Variants in DDOST observed in about 807,000 individuals in gnomAD.
DDOST encodes dolichyl-diphosphooligosaccharide--protein glycosyltransferase non-catalytic subunit, also known as dolichyl-diphosphooligosaccharide--protein glycosyltransferase 48 kDa subunit.
In DDOST, 25 loss-of-function variants were observed where a neutral mutation model predicts 47.6. That is an observed-to-expected ratio of 0.53 (90% CI 0.38 to 0.73). DDOST has a LOEUF of 0.73. Ranked by LOEUF, DDOST falls within the 30% of genes least tolerant of loss-of-function variation. DDOST has a pLI of 0.00. For missense variants in DDOST, 526 were observed against 573.9 expected, an observed-to-expected ratio of 0.92 and a Z score of 0.85; for synonymous variants, 275 against 236.0, an observed-to-expected ratio of 1.17 and a Z score of -1.51.
chr1:20,659,932 G>A (rs1029896932), intron 2 of DDOST, among the ~76,000 whole-genome samples: 1 of 152,106 alleles, frequency 6.6e-6, no homozygotes. Context: ...AACAAAAAAG[G>A]CACCAATGAA....
rs907121865 is a variant in DDOST, at chr1:20,657,804, T to G, written c.266-1617A>C. Among the ~76,000 whole-genome samples the G allele has an allele frequency of 5.3e-5, 8 of 152,224 alleles. 1 individual carries two copies. The highest frequency in any genetic ancestry group is 1.9e-4 in the African/African-American group (8 of 41,452). On this transcript the variant is annotated intron_variant, in intron 2 of 10. Coordinates refer to ENST00000602624, the MANE Select transcript of DDOST (RefSeq NM_005216.5). ...CTCTACCTCTGCCTCTCATGCTACA[T>G]TCAAAAAGCCATCTATCTACTCTCC...
intron 5 of DDOST, among the ~76,000 whole-genome samples, chr1:20,655,208 T>C (rs1293540821): frequency 6.8e-6 from 1 of 147,176 alleles, no homozygotes; most frequent in Admixed American, 7.0e-5. Flanking sequence ...AGAGAGGAGT[T>C]CTGTGTTGCC....
chr1:20,656,113 T>C lies in DDOST; in HGVS notation c.340A>G (p.Ser114Gly), dbSNP rs751563144. The change falls in exon 3 of 11, where the codon AGC (serine) becomes GGC (glycine). Residue 114 changes from serine to glycine, a missense_variant. Ser to Gly is a moderately conservative substitution (Grantham distance 56, BLOSUM62 0). Coordinates refer to ENST00000602624, the MANE Select transcript of DDOST (RefSeq NM_005216.5). ...AGGTCGGACTCACCAATGTCGGAGC[T>C]GGCAGCTACCAGCACACTGCCTCCG... ...DGGGSVLVAA[S>G]SDIGDPLREL... 5 of 1,613,770 alleles carry C rather than the reference T, an allele frequency of 3.1e-6. No homozygotes were observed. The African/African-American group carries it at 5.3e-5, about 17-fold the overall frequency.
rs190780604 is a variant in DDOST at position 20,652,915 on chromosome 1, G to A, written c.999C>T (p.Gly333=). ...GGACAAACTCCAGCTGAATGTCATC[G>A]CCATCAAAGGGGACCCATTTGCCAT... ...LSNGKWVPFD[G]DDIQLEFVRI... is the part of the protein sequence containing the mutation. The change falls in exon 9 of 11, where the codon GGC becomes GGT. Residue 333 remains glycine, a synonymous_variant. Coordinates refer to ENST00000602624, the MANE Select transcript of DDOST (RefSeq NM_005216.5). The A allele has an allele frequency of 2.1e-4, 343 of 1,614,168 alleles. 1 individual carries two copies. In the East Asian group the frequency reaches 6.9e-3, roughly 33 times the overall value.
At chr1:20,655,180 T>TTTG (rs1553147570) in intron 5 of DDOST, among the ~76,000 whole-genome samples, 1 of 149,504 alleles carries the variant, frequency 6.7e-6, no homozygotes, top group Non-Finnish European at 1.5e-5. Context: ...TGTTTTTTTT[T>TTTG]TTTTTTTTTT....
In DDOST at chr1:20,652,060, C is replaced by T. The variant is rs567683967; in HGVS notation, c.*319G>A. On this transcript the variant is annotated 3_prime_UTR_variant, in exon 11 of 11. Coordinates refer to ENST00000602624, the MANE Select transcript of DDOST (RefSeq NM_005216.5). The stretch of plus-strand genomic sequence containing the variant: ...CAGGATAGTCTCGATCTCCTGACCT[C>T]GTGAGCCGCCTGCCTCGGCCTCCCA... The T allele has an allele frequency of 5.5e-5, 11 of 200,500 alleles. No homozygotes were observed. The highest frequency in any genetic ancestry group is 8.8e-5 in the South Asian group (1 of 11,388). The allele number at this position is 200,500 out of a possible 1,614,324, so 12.4% of individuals were successfully genotyped here. A position where few individuals can be genotyped will look rare whatever the true frequency, so the allele number is the denominator to read the frequency against.
intron 2 of DDOST, among the ~76,000 whole-genome samples, chr1:20,658,294 T>C (rs2053397116): frequency 6.6e-6 from 1 of 152,218 alleles, no homozygotes; most frequent in African/African-American, 2.4e-5. Flanking sequence ...AAGAAGCCAC[T>C]GGGGCACAGA....
Position 20,654,269 on chromosome 1 carries a change from A to C in DDOST, c.748T>G (p.Ser250Ala). 3 of 1,551,822 alleles carry C rather than the reference A, an allele frequency of 1.9e-6. No individual in the cohort carries two copies. The highest frequency in any genetic ancestry group is 1.7e-4 in the Middle Eastern group (1 of 5,850). Reference sequence around the variant, plus strand: ...TTCTGCACTGCTGAGTTGAAGAAGGAGTCGCTGAAGAAGTCGAGGGAGCCG... The same window carrying C: ...TTCTGCACTGCTGAGTTGAAGAAGGCGTCGCTGAAGAAGTCGAGGGAGCCG... ...FSGSLDFFSD[S>A]FFNSAVQKAA... The change falls in exon 7 of 11, where the codon TCC becomes GCC. Residue 250 changes from serine (S) to alanine (A), a missense_variant. By Grantham distance (99) the Ser-to-Ala change is moderately conservative. Transcript: ENST00000602624.
intron 1 of DDOST, 74 bp downstream of exon 1, chr1:20,661,123 G>C (rs2053429761): frequency 6.5e-7 from 1 of 1,536,086 alleles, no homozygotes; most frequent in Non-Finnish European, 8.9e-7. Flanking sequence ...GAGAGGGAAG[G>C]AGAGTGGTCA....
chr1:20,654,579 T>G (rs1167461263), intron 6 of DDOST, 35 bp downstream of exon 6: 39 of 1,526,024 alleles, frequency 2.6e-5, no homozygotes, highest in Non-Finnish European at 3.5e-5. Flanking sequence ...CTGCTTCATT[T>G]TTATTTCGAA....
At chr1:20,655,048 C>G (rs188026380) in intron 5 of DDOST, among the ~76,000 whole-genome samples, 2 of 152,004 alleles carry the variant, frequency 1.3e-5, no homozygotes, top group African/African-American at 4.8e-5. Context: ...TTAGCAGAGA[C>G]GGGGTTTCAC....
Position 20,653,840 on chromosome 1 carries a change from G to A in DDOST, c.795-66C>T, listed in dbSNP as rs989753291. ...CCTTTCCAGTGGTGCCTGATGGGCAGGACCACTCATGTCCACCATGACAGT... is the reference window on the plus strand; with the variant it reads ...CCTTTCCAGTGGTGCCTGATGGGCAAGACCACTCATGTCCACCATGACAGT... On this transcript the variant is annotated intron_variant, in intron 7 of 10. Transcript: ENST00000602624. The A allele has an allele frequency of 1.9e-6, 3 of 1,554,934 alleles. No individual in the cohort carries two copies. The African/African-American group carries it at 4.1e-5, about 21-fold the overall frequency.
intron 2 of DDOST, among the ~76,000 whole-genome samples, chr1:20,659,039 G>A (rs984431455): frequency 1.3e-5 from 2 of 151,310 alleles, no homozygotes; most frequent in Non-Finnish European, 2.9e-5. Flanking sequence ...TCATTTTTTT[G>A]TAGAGATGAG....
rs566053706 is a variant in DDOST at position 20,657,087 on chromosome 1, G to A, written c.266-900C>T. ...ACCTGCAAGTGGCATCTGAAAAGATGTAAGCGTGAGCCAGGCAGTCTGTGG... is the reference window on the plus strand; with the variant it reads ...ACCTGCAAGTGGCATCTGAAAAGATATAAGCGTGAGCCAGGCAGTCTGTGG... On this transcript the variant is annotated intron_variant, in intron 2 of 10. Transcript: ENST00000602624. 2.6e-5 allele frequency among the ~76,000 whole-genome samples: 4 copies of A among 152,370 alleles called. No individual in the cohort carries two copies. In the East Asian group the frequency reaches 7.7e-4, roughly 29 times the overall value.
At chr1:20,658,191 C>T (rs1327015008) in intron 2 of DDOST, among the ~76,000 whole-genome samples, 1 of 152,208 alleles carries the variant, frequency 6.6e-6, no homozygotes. Context: ...AACAGGGATC[C>T]GGTTTTTCCC....
At position 20,652,864 on chromosome 1, in the gene DDOST, G is replaced by T. The variant is rs780062607; in HGVS notation, c.1050C>A (p.Phe350Leu). 4 of 1,614,050 alleles carry T rather than the reference G, an allele frequency of 2.5e-6. No homozygotes were observed. In the African/African-American group the frequency reaches 5.3e-5, roughly 22 times the overall value. ...AACTACACTCACCTTTCTTCTTCAG[G>T]AAGGTCCTCACAAAAGGATCAATGC... ...FVRIDPFVRT[F>L]LKKKGGKYSV... The change falls in exon 9 of 11, where the codon TTC (phenylalanine) becomes TTA (leucine). Residue 350 changes from phenylalanine (F) to leucine (L), a missense_variant. Physicochemically the swap from Phe to Leu is conservative, Grantham distance 22. Coordinates refer to ENST00000602624, the MANE Select transcript of DDOST (RefSeq NM_005216.5).
rs942961655 is a variant in DDOST at position 20,660,539 on chromosome 1, C to G, written c.265+342G>C. 1.6e-5 allele frequency: 3 copies of G among 187,016 alleles called. No homozygotes were observed. In the East Asian group the frequency reaches 4.2e-4, roughly 26 times the overall value. The allele number at this position is 187,016 out of a possible 1,614,324, so 11.6% of individuals were successfully genotyped here. On this transcript the variant is annotated intron_variant, in intron 2 of 10. Coordinates refer to ENST00000602624, the MANE Select transcript of DDOST (RefSeq NM_005216.5). ...TCTTTATAGCAATCCATATTAATAA[C>G]AGGCCATTTCCTCTTTCCACCCAGG... is the stretch of plus-strand genomic sequence containing the variant.
rs2053292498 is a variant in DDOST, at chr1:20,651,896, G to C, written c.*483C>G. On this transcript the variant is annotated 3_prime_UTR_variant, in exon 11 of 11. Transcript: ENST00000602624. The stretch of plus-strand genomic sequence containing the variant: ...GCTGGAGTGCAATGGCGTGATCTCA[G>C]CTCACTGCAAGCTCTGCCTCTTGGA... 6.5e-6 allele frequency: 1 copy of C among 153,776 alleles called. No individual in the cohort carries two copies. The highest frequency in any genetic ancestry group is 2.4e-5 in the African/African-American group (1 of 41,344). 9.5% of individuals were successfully genotyped at this position (153,776 alleles called of 1,614,324 possible). A position where few individuals can be genotyped will look rare whatever the true frequency, so the allele number is the denominator to read the frequency against.
intron 2 of DDOST, among the ~76,000 whole-genome samples, chr1:20,658,856 CTT>C (rs112536606): frequency 1.4e-4 from 19 of 132,774 alleles, no homozygotes; most frequent in Non-Finnish European, 1.6e-4. Context: ...TTTCTCTTTT[CTT>C]TTTTTTTTTT....
Sources: allele counts gnomAD v4.1 joint callset (sites outside exome capture counted in the v4.1 genomes callset), GRCh38; gene constraint gnomAD v4.1.1; transcripts MANE v1.5; gene names NCBI Gene and HGNC (gene_info 2026-07-23, HGNC 2026-07-21).